PLCL1: variants seen among roughly 807,000 people sequenced by gnomAD.
PLCL1 encodes the protein phospholipase C like 1 (inactive).
PLCL1 carries 41 observed loss-of-function variants against 84.4 expected under a neutral mutation model. The observed-to-expected ratio is 0.49, with a 90% CI of 0.38 to 0.63. PLCL1 has a LOEUF of 0.63. Ranked by LOEUF, PLCL1 falls within the 30% of genes least tolerant of loss-of-function variation. The pLI is 0.00. For missense variants in PLCL1, 1,206 were observed against 1,367.8 expected (o/e 0.88, Z 1.87); for synonymous variants, 490 against 488.3 (o/e 1.00, Z -0.05).
intron 1 of PLCL1, among the ~76,000 whole-genome samples, chr2:198,001,115 A>G (rs1367556927): frequency 6.6e-6 from 1 of 152,106 alleles, no homozygotes; most frequent in East Asian, 1.9e-4. Flanking sequence ...TAGAGGGTAA[A>G]ATGAGGTAAC....
chr2:197,866,173 A>G (rs1395329807), intron 1 of PLCL1, among the ~76,000 whole-genome samples: 1 of 96,780 alleles, frequency 1.0e-5, no homozygotes, highest in Non-Finnish European at 1.9e-5. Flanking sequence ...ATATATATAT[A>G]AACTATATAT....
intron 5 of PLCL1, among the ~76,000 whole-genome samples, chr2:198,110,621 G>A (rs1401821318): frequency 6.6e-6 from 1 of 151,898 alleles, no homozygotes; most frequent in Non-Finnish European, 1.5e-5. Context: ...TCTGAAAGCT[G>A]AGTGAGAGTG....
At chr2:198,086,253 C>T (rs1175644537) in intron 2 of PLCL1, 21 bp downstream of exon 2, 4 of 1,471,530 alleles carry the variant, frequency 2.7e-6, no homozygotes, top group Non-Finnish European at 3.8e-6. Context: ...CACTCACACT[C>T]TCCTTCCCTA....
intron 1 of PLCL1, among the ~76,000 whole-genome samples, chr2:197,844,014 A>T (rs868399837): frequency 1.4e-4 from 22 of 152,304 alleles, no homozygotes; most frequent in Middle Eastern, 3.4e-3. Context: ...TTATGCAATT[A>T]GAAATTAACC....
intron 1 of PLCL1, among the ~76,000 whole-genome samples, chr2:198,055,703 T>C (rs1486676363): frequency 6.6e-6 from 1 of 152,134 alleles, no homozygotes; most frequent in Non-Finnish European, 1.5e-5. Context: ...CAACTGCTGA[T>C]CTCAGGGAGC....
rs181557969 is a variant in PLCL1, at chr2:197,810,966, G to T, written c.240+5627G>T. Among the ~76,000 whole-genome samples the T allele has an allele frequency of 3.1e-4, 47 of 152,342 alleles. No individual in the cohort carries two copies. In the East Asian group the frequency reaches 8.1e-3, roughly 26 times the overall value. On this transcript the variant is annotated intron_variant, in intron 1 of 5. Coordinates refer to ENST00000428675, the MANE Select transcript of PLCL1 (RefSeq NM_006226.4). ...CCATTGGTTATAAGAAGGAGGGAGA[G>T]AATCATTGTGTTGGACTTTACATTG...
At chr2:198,032,336 A>T (rs558573120) in intron 1 of PLCL1, among the ~76,000 whole-genome samples, 1 of 151,224 alleles carries the variant, frequency 6.6e-6, no homozygotes, top group East Asian at 1.9e-4. Flanking sequence ...GAGAATAATA[A>T]AAAAAAAACT....
intron 1 of PLCL1, among the ~76,000 whole-genome samples, chr2:198,082,593 GA>G (rs1692743849): frequency 6.6e-6 from 1 of 152,160 alleles, no homozygotes; most frequent in African/African-American, 2.4e-5. Flanking sequence ...CGTGAATTGG[GA>G]TGTGGTTGGG....
intron 1 of PLCL1, among the ~76,000 whole-genome samples, chr2:197,847,503 A>G (rs1687146223): frequency 6.6e-6 from 1 of 152,124 alleles, no homozygotes; most frequent in Non-Finnish European, 1.5e-5. Flanking sequence ...TGCAGTTGGC[A>G]AATTATTTTT....
chr2:198,132,724 A>AT (rs1694149006), intron 5 of PLCL1, among the ~76,000 whole-genome samples: 1 of 152,122 alleles, frequency 6.6e-6, no homozygotes, highest in African/African-American at 2.4e-5. Context: ...GATTCTGGAT[A>AT]TTAGCCCTTT....
intron 1 of PLCL1, among the ~76,000 whole-genome samples, chr2:197,894,913 G>A (rs1688103797): frequency 6.6e-6 from 1 of 152,024 alleles, no homozygotes; most frequent in South Asian, 2.1e-4. Flanking sequence ...GCACCACAGA[G>A]CTGGGCTAAC....
intron 1 of PLCL1, among the ~76,000 whole-genome samples, chr2:197,923,228 G>A (rs1488817888): frequency 0.011 from 1,534 of 145,402 alleles, 4 homozygotes; most frequent in African/African-American, 0.037. Flanking sequence ...CCTCCCTCCC[G>A]GATGGGGCGG....
rs150504900 is a variant in PLCL1, at chr2:197,953,681, T to G, written c.241-130077T>G. On this transcript the variant is annotated intron_variant, in intron 1 of 5. Transcript: ENST00000428675. Reference sequence around the variant, plus strand: ...TCTTACTTATATATTAATATATCAGTAATGAACATCTCATCATTTACTCAA... The same window carrying G: ...TCTTACTTATATATTAATATATCAGGAATGAACATCTCATCATTTACTCAA... Among the ~76,000 whole-genome samples the G allele has an allele frequency of 4.5e-3, 683 of 152,168 alleles. 5 individuals are homozygous for G. The highest frequency in any genetic ancestry group is 0.016 in the African/African-American group (657 of 41,536).
intron 1 of PLCL1, among the ~76,000 whole-genome samples, chr2:197,935,981 A>G (rs1689044634): frequency 6.6e-6 from 1 of 152,158 alleles, no homozygotes; most frequent in South Asian, 2.1e-4. Context: ...TTCCACATAT[A>G]AGTGAGATCA....
intron 1 of PLCL1, among the ~76,000 whole-genome samples, chr2:197,971,189 C>G (rs1000346247): frequency 1.1e-4 from 17 of 152,178 alleles, no homozygotes; most frequent in Admixed American, 5.2e-4. Context: ...AATTAGGCCC[C>G]TTTGCATGGG....
At chr2:197,963,051 C>G (rs1473104971) in intron 1 of PLCL1, among the ~76,000 whole-genome samples, 1 of 152,026 alleles carries the variant, frequency 6.6e-6, no homozygotes, top group Admixed American at 6.6e-5. Flanking sequence ...GTACAGATAT[C>G]TCTTTGATAT....
chr2:198,112,405 C>A lies in PLCL1; in HGVS notation c.3105+8469C>A, dbSNP rs181938184. Among the ~76,000 whole-genome samples the A allele has an allele frequency of 7.2e-5, 11 of 151,978 alleles. No homozygotes were observed. The East Asian group carries it at 9.8e-4, about 13-fold the overall frequency. On this transcript the variant is annotated intron_variant, in intron 5 of 5. Coordinates refer to ENST00000428675, the MANE Select transcript of PLCL1 (RefSeq NM_006226.4). ...GTTTCTCTTGGACAGCTTTGCTATT[C>A]ATTGGCTTTTAGTCTGGACATTGCT...
At chr2:197,827,128 C>A (rs577975742) in intron 1 of PLCL1, among the ~76,000 whole-genome samples, 1 of 152,186 alleles carries the variant, frequency 6.6e-6, no homozygotes, top group Non-Finnish European at 1.5e-5. Context: ...CTGATTAATT[C>A]TCCAGAGTAG....
intron 1 of PLCL1, among the ~76,000 whole-genome samples, chr2:198,046,234 A>G (rs1389377550): frequency 6.6e-6 from 1 of 152,206 alleles, no homozygotes; most frequent in Non-Finnish European, 1.5e-5. Context: ...AGCCTAAAAT[A>G]TTAGTATCTA....
Sources: allele counts gnomAD v4.1 joint callset (sites outside exome capture counted in the v4.1 genomes callset), GRCh38; gene constraint gnomAD v4.1.1; transcripts MANE v1.5; gene names NCBI Gene and HGNC (gene_info 2026-07-23, HGNC 2026-07-21).